AKAP13: variants seen among roughly 807,000 people sequenced by gnomAD.
AKAP13 encodes A-kinase anchor protein 13.
Under a neutral mutation model 264.5 loss-of-function variants are expected in AKAP13, and 80 were observed. That is an observed-to-expected ratio of 0.30 (90% CI 0.25 to 0.36). The LOEUF (loss-of-function observed/expected upper bound fraction) is 0.36. AKAP13 is among the 10% of genes least tolerant of loss of function. The probability of loss-of-function intolerance (pLI) is 1.00; values close to 1 mark genes in which losing one functional copy is unlikely to be tolerated. For synonymous variants in AKAP13, 1,380 were observed against 1,250.2 expected, an observed-to-expected ratio of 1.10 and a Z score of -2.19; for missense variants, 3,712 against 3,435.2, an observed-to-expected ratio of 1.08 and a Z score of -2.01.
chr15:85,655,305 T>G, intron 10 of AKAP13, 112 bp from the exon 11 acceptor site: 1 of 1,369,974 alleles, frequency 7.3e-7, no homozygotes, highest in Non-Finnish European at 9.8e-7. Context: ...AGGCCAATTA[T>G]GATCTTACCT....
At chr15:85,736,178 C>A in intron 33 of AKAP13, 44 bp downstream of exon 33, 5 of 1,440,192 alleles carry the variant, frequency 3.5e-6, no homozygotes, top group South Asian at 2.5e-5. Context: ...TGTTTGTTGT[C>A]ATTGTCAAGT....
At position 85,721,973 on chromosome 15, in the gene AKAP13, G is replaced by A; in HGVS notation, c.6253-18G>A. On this transcript the variant is annotated intron_variant, in intron 23 of 36. Coordinates refer to ENST00000394518, the MANE Select transcript of AKAP13 (RefSeq NM_007200.5). ...TTTGGCGCCCCATGGCATAACTTCT[G>A]TTCTCTTTTCTCTGCAGTTTTCAGG... 1.2e-6 allele frequency: 2 copies of A among 1,613,468 alleles called. No homozygotes were observed. The highest frequency in any genetic ancestry group is 1.7e-6 in the Non-Finnish European group (2 of 1,179,712).
At chr15:85,676,020 T>G (rs940637314) in intron 14 of AKAP13, among the ~76,000 whole-genome samples, 2 of 152,096 alleles carry the variant, frequency 1.3e-5, no homozygotes, top group African/African-American at 4.8e-5. Context: ...CAAGCACTTC[T>G]CCTGCCTCAG....
intron 2 of AKAP13, among the ~76,000 whole-genome samples, chr15:85,494,979 A>C (rs1478551851): frequency 6.6e-6 from 1 of 152,168 alleles, no homozygotes; most frequent in Non-Finnish European, 1.5e-5. Flanking sequence ...TTTATGGATT[A>C]TAGGTACATT....
chr15:85,673,641 T>C (rs929866229), intron 14 of AKAP13, among the ~76,000 whole-genome samples: 1 of 151,530 alleles, frequency 6.6e-6, no homozygotes, highest in Non-Finnish European at 1.5e-5. Context: ...AATTCAGTTA[T>C]TACAGATGAT....
chr15:85,571,470 C>T (rs931359880), intron 5 of AKAP13, among the ~76,000 whole-genome samples: 3 of 152,150 alleles, frequency 2.0e-5, no homozygotes, highest in Non-Finnish European at 1.5e-5. Context: ...AGTAAACATT[C>T]TTATGCATAG....
intron 2 of AKAP13, among the ~76,000 whole-genome samples, chr15:85,498,201 T>TATAGATATATAG (rs1186239189): frequency 7.9e-5 from 1 of 12,584 alleles, no homozygotes; most frequent in Non-Finnish European, 3.6e-4. Context: ...TGAAGTGAGA[T>TATAGATATATAG]ATATATATAT....
intron 3 of AKAP13, among the ~76,000 whole-genome samples, chr15:85,522,167 A>G (rs1193882489): frequency 6.6e-6 from 1 of 152,158 alleles, no homozygotes; most frequent in African/African-American, 2.4e-5. Flanking sequence ...ATGGGGAGAA[A>G]CAGCTTCTTA....
chr15:85,461,035 C>T (rs1451373072), intron 1 of AKAP13, among the ~76,000 whole-genome samples: 1 of 152,012 alleles, frequency 6.6e-6, no homozygotes, highest in African/African-American at 2.4e-5. Context: ...TGCATCTTCT[C>T]TGTCTTATCA....
intron 23 of AKAP13, 42 bp from the exon 24 acceptor site, chr15:85,721,949 T>A (rs370123090): frequency 6.2e-7 from 1 of 1,610,150 alleles, no homozygotes; most frequent in Non-Finnish European, 8.5e-7. Flanking sequence ...TATTATGAGT[T>A]TGGCGCCCCA....
chr15:85,685,916 A>T (rs2084884525), intron 16 of AKAP13, among the ~76,000 whole-genome samples: 1 of 152,198 alleles, frequency 6.6e-6, no homozygotes, highest in Admixed American at 6.5e-5. Flanking sequence ...TTTGGTTTAT[A>T]TATTTCTAAT....
chr15:85,426,512 T>A (rs2072786330), intron 1 of AKAP13, among the ~76,000 whole-genome samples: 1 of 152,188 alleles, frequency 6.6e-6, no homozygotes, highest in Admixed American at 6.5e-5. Flanking sequence ...TTTTGGGTTA[T>A]AACTGACAAT....
chr15:85,729,621 A>G (rs925442796), intron 29 of AKAP13, among the ~76,000 whole-genome samples: 2 of 152,134 alleles, frequency 1.3e-5, no homozygotes, highest in African/African-American at 4.8e-5. Flanking sequence ...GAGATCCTCA[A>G]GAGGAAAGTG....
At chr15:85,444,136 C>G (rs990186809) in intron 1 of AKAP13, among the ~76,000 whole-genome samples, 2 of 152,074 alleles carry the variant, frequency 1.3e-5, no homozygotes, top group Middle Eastern at 3.2e-3. Flanking sequence ...TTATATTAAT[C>G]CACTCTATTA....
chr15:85,450,706 T>C (rs557784689), intron 1 of AKAP13, among the ~76,000 whole-genome samples: 1 of 152,218 alleles, frequency 6.6e-6, no homozygotes, highest in Non-Finnish European at 1.5e-5. Context: ...TTCATTGCGC[T>C]GTGGTCTGAG....
chr15:85,688,489 G>C (rs1472240221), intron 16 of AKAP13, among the ~76,000 whole-genome samples: 2 of 152,168 alleles, frequency 1.3e-5, no homozygotes, highest in Non-Finnish European at 2.9e-5. Flanking sequence ...GTAACTCTTA[G>C]AGAAGTGTCT....
At chr15:85,602,325 G>A (rs1013151784) in intron 8 of AKAP13, among the ~76,000 whole-genome samples, 3 of 151,472 alleles carry the variant, frequency 2.0e-5, no homozygotes, top group African/African-American at 7.3e-5. Flanking sequence ...ACAGGCGTGC[G>A]TCACCATGCC....
intron 11 of AKAP13, among the ~76,000 whole-genome samples, chr15:85,657,860 A>G (rs1462175153): frequency 2.0e-5 from 3 of 151,870 alleles, no homozygotes; most frequent in African/African-American, 7.3e-5. Context: ...ATGAGGGTTT[A>G]TTTTCTATAC....
intron 20 of AKAP13, among the ~76,000 whole-genome samples, chr15:85,716,849 A>G (rs2086978655): frequency 1.3e-5 from 2 of 152,204 alleles, no homozygotes; most frequent in African/African-American, 4.8e-5. Context: ...CTCACACATC[A>G]ATTGGGTGCC....
Sources: allele counts gnomAD v4.1 joint callset (sites outside exome capture counted in the v4.1 genomes callset), GRCh38; gene constraint gnomAD v4.1.1; transcripts MANE v1.5; gene names NCBI Gene and HGNC (gene_info 2026-07-23, HGNC 2026-07-21).